Variants in CYP4F2 observed in about 807,000 individuals in gnomAD.
The protein encoded by CYP4F2 is cytochrome P450 4F2.
A neutral mutation model predicts 58.9 loss-of-function variants in CYP4F2; 58 were observed. The observed-to-expected ratio is 0.98, with a 90% CI of 0.80 to 1.23. The LOEUF (loss-of-function observed/expected upper bound fraction) is 1.23. Ranked by LOEUF, CYP4F2 falls within the 50% of genes most tolerant of loss-of-function variation. The pLI is 0.00. For synonymous variants in CYP4F2, 287 were observed against 261.1 expected, an observed-to-expected ratio of 1.10 and a Z score of -0.95; for missense variants, 616 against 685.6, an observed-to-expected ratio of 0.90 and a Z score of 1.13.
rs201015006 is a variant in CYP4F2, at chr19:15,879,429, C to A, written c.1315-1G>T. 2 of 1,614,114 alleles carry A rather than the reference C, an allele frequency of 1.2e-6. No individual in the cohort carries two copies. The highest frequency in any genetic ancestry group is 2.7e-5 in the African/African-American group (2 of 75,034). ...GGTCAAAGCGAAAGGGGTCGTAGAC[C>A]TGGAGGTGAGACCAAGAAGGGTTGT... is the stretch of plus-strand genomic sequence containing the variant. On this transcript the variant is annotated splice_acceptor_variant, in intron 11 of 12. Transcript: ENST00000221700. LOFTEE classifies it high-confidence loss of function.
chr19:15,886,118 C>CA, intron 8 of CYP4F2, 65 bp from the exon 9 acceptor site: 2 of 1,605,278 alleles, frequency 1.2e-6, no homozygotes, highest in Non-Finnish European at 8.5e-7. Flanking sequence ...AGACAGCACC[C>CA]ATGCATTGAG....
At chr19:15,897,970 C>A (rs1240734082) in intron 1 of CYP4F2, 56 bp downstream of exon 1, 3 of 263,286 alleles carry the variant, frequency 1.1e-5, no homozygotes, top group Non-Finnish European at 2.2e-5. Context: ...TTGGGCAGTG[C>A]CCCTCTCCAT....
At chr19:15,890,488 C>G in intron 5 of CYP4F2, 55 bp from the exon 6 acceptor site, 1 of 1,600,642 alleles carries the variant, frequency 6.2e-7, no homozygotes, top group Non-Finnish European at 8.5e-7. Flanking sequence ...TTGAGCACCT[C>G]TCCAACCCCA....
chr19:15,880,955 C>A (rs959324673), intron 9 of CYP4F2, among the ~76,000 whole-genome samples: 1 of 152,220 alleles, frequency 6.6e-6, no homozygotes, highest in African/African-American at 2.4e-5. Context: ...AGCAATTGCA[C>A]TTCAGGGAAT....
chr19:15,886,308 C>T lies in CYP4F2; in HGVS notation c.919G>A (p.Asp307Asn). 6 of 1,613,198 alleles carry T rather than the reference C, an allele frequency of 3.7e-6. No homozygotes were observed. The highest frequency in any genetic ancestry group is 5.1e-6 in the Non-Finnish European group (6 of 1,179,920). Residue 307 changes from aspartate to asparagine, a missense_variant and splice_region_variant, in exon 8 of 13, where the codon GAT (aspartate) becomes AAT (asparagine). Physicochemically the swap from Asp to Asn is conservative, Grantham distance 23. Coordinates refer to ENST00000221700, the MANE Select transcript of CYP4F2 (RefSeq NM_001082.5). ...TCAGATAACTTCTTCCCGTCTTCATCCTGGAGAGAAGGCAGTAACCCCCCC... is the reference window on the plus strand; with the variant it reads ...TCAGATAACTTCTTCCCGTCTTCATTCTGGAGAGAAGGCAGTAACCCCCCC... ...DFIDVLLLSKDEDGKKLSDED... is the reference protein window; with the variant it reads ...DFIDVLLLSKNEDGKKLSDED...
In CYP4F2 at chr19:15,878,656, T is replaced by A. The variant is rs1188270716; in HGVS notation, c.*115A>T. ...GAACACTTGTCTCAATTATTTTGAG[T>A]AGATATCTAGGATGGAATACAGGAC... is the stretch of plus-strand genomic sequence containing the variant. On this transcript the variant is annotated 3_prime_UTR_variant, in exon 13 of 13. Coordinates refer to ENST00000221700, the MANE Select transcript of CYP4F2 (RefSeq NM_001082.5). 2.8e-5 allele frequency: 36 copies of A among 1,282,900 alleles called. No individual in the cohort carries two copies. The highest frequency in any genetic ancestry group is 2.1e-6 in the Non-Finnish European group (2 of 946,912). 79.5% of individuals were successfully genotyped at this position (1,282,900 alleles called of 1,614,324 possible). A position where few individuals can be genotyped will look rare whatever the true frequency, so the allele number is the denominator to read the frequency against.
At chr19:15,896,286 T>TG (rs2089448269) in intron 2 of CYP4F2, among the ~76,000 whole-genome samples, 1 of 150,880 alleles carries the variant, frequency 6.6e-6, no homozygotes. Context: ...ACATTCCTCC[T>TG]GCTCTATCTA....
chr19:15,884,283 A>T (rs2089362375), intron 9 of CYP4F2, among the ~76,000 whole-genome samples: 1 of 152,174 alleles, frequency 6.6e-6, no homozygotes, highest in Admixed American at 6.6e-5. Context: ...GTTCTCACTC[A>T]CATGTGGGAG....
At chr19:15,879,971 A>T in intron 9 of CYP4F2, 74 bp from the exon 10 acceptor site, 1 of 1,582,282 alleles carries the variant, frequency 6.3e-7, no homozygotes, top group Non-Finnish European at 8.5e-7. Flanking sequence ...TCTGTTTGCA[A>T]GTGAGACCTT....
At chr19:15,886,334 C>CT in intron 7 of CYP4F2, 26 bp from the exon 8 acceptor site, 3 of 1,597,792 alleles carry the variant, frequency 1.9e-6, no homozygotes, top group Non-Finnish European at 2.6e-6. Context: ...TAACCCCCCC[C>CT]AACCCCCACC....
intron 9 of CYP4F2, among the ~76,000 whole-genome samples, chr19:15,885,349 G>A (rs1182393615): frequency 6.6e-6 from 1 of 152,118 alleles, no homozygotes; most frequent in African/African-American, 2.4e-5. Flanking sequence ...CACCAGGCTG[G>A]GAGCACCTGG....
chr19:15,882,804 A>G (rs1480644040), intron 9 of CYP4F2, among the ~76,000 whole-genome samples: 2 of 152,220 alleles, frequency 1.3e-5, no homozygotes, highest in Non-Finnish European at 2.9e-5. Flanking sequence ...AACTGCGTCT[A>G]TTTTGTATAG....
intron 2 of CYP4F2, among the ~76,000 whole-genome samples, chr19:15,896,422 A>G (rs1208027538): frequency 1.3e-5 from 2 of 152,144 alleles, no homozygotes; most frequent in African/African-American, 2.4e-5. Context: ...CTTGAGAGGA[A>G]GGATTTTCTT....
chr19:15,896,109 C>A (rs1202241314), intron 2 of CYP4F2, among the ~76,000 whole-genome samples: 3 of 151,986 alleles, frequency 2.0e-5, no homozygotes, highest in African/African-American at 7.3e-5. Context: ...TCCATCCATG[C>A]TATCTGTGCA....
intron 5 of CYP4F2, among the ~76,000 whole-genome samples, chr19:15,891,335 C>A (rs1262717002): frequency 6.6e-6 from 1 of 152,184 alleles, no homozygotes; most frequent in African/African-American, 2.4e-5. Flanking sequence ...AAAAGGCAAT[C>A]TAACAAGAAA....
rs770503691 is a variant in CYP4F2 at position 15,892,294 on chromosome 19, C to G, written c.525+15G>C. The G allele has an allele frequency of 3.1e-6, 5 of 1,613,992 alleles. No individual in the cohort carries two copies. Among genetic ancestry groups the G allele is most frequent in the Non-Finnish European group, 4.2e-6 (5 of 1,179,982 alleles). ...CCCAAGGCTGCAAGTGGGACCTTGG[C>G]TTCAAATAACTCACGTGCATGATGT... is the stretch of plus-strand genomic sequence containing the variant. On this transcript the variant is annotated intron_variant, in intron 5 of 12. Transcript: ENST00000221700.
chr19:15,887,703 C>T (rs2089389026), intron 7 of CYP4F2, among the ~76,000 whole-genome samples: 1 of 151,696 alleles, frequency 6.6e-6, no homozygotes, highest in Non-Finnish European at 1.5e-5. Context: ...CACAGGCACA[C>T]ACATATAGAC....
intron 9 of CYP4F2, among the ~76,000 whole-genome samples, chr19:15,881,049 G>T (rs929404665): frequency 6.6e-6 from 1 of 152,146 alleles, no homozygotes; most frequent in African/African-American, 2.4e-5. Flanking sequence ...TTAGCAAAAG[G>T]TTGGAAACAA....
At chr19:15,885,362 A>G (rs1442193111) in intron 9 of CYP4F2, among the ~76,000 whole-genome samples, 5 of 152,164 alleles carry the variant, frequency 3.3e-5, no homozygotes, top group African/African-American at 4.8e-5. Context: ...GCACCTGGAA[A>G]ACAGATCCCT....
Sources: gnomAD v4.1 joint callset for allele counts (sites outside exome capture counted in the v4.1 genomes callset) on GRCh38, gnomAD v4.1.1 for gene constraint, MANE v1.5 for transcripts, NCBI Gene and HGNC (gene_info 2026-07-23, HGNC 2026-07-21) for gene names.